The following MGAM variants were observed in gnomAD, a reference collection of about 807,000 sequenced individuals.
The protein encoded by MGAM is alpha-1,4-glucosidase.
MGAM carries 253 observed loss-of-function variants against 358.8 expected under a neutral mutation model. The observed-to-expected ratio is 0.71, with a 90% CI of 0.64 to 0.78. The LOEUF (loss-of-function observed/expected upper bound fraction) is 0.78. MGAM is among the 30% of genes least tolerant of loss of function. The pLI is 0.00. For missense variants in MGAM, 3,080 were observed against 3,432.6 expected (o/e 0.90, Z 2.57); for synonymous variants, 1,105 against 1,227.1 (o/e 0.90, Z 2.08).
chr7:141,992,591 T>C (rs1195968686), upstream of MGAM, among the ~76,000 whole-genome samples: 7 of 152,142 alleles, frequency 4.6e-5, 1 homozygote, highest in African/African-American at 1.7e-4. Flanking sequence ...TTTATTTATT[T>C]ATTTTTATTG....
At chr7:142,057,235 C>T (rs1028303655) in intron 30 of MGAM, among the ~76,000 whole-genome samples, 18 of 150,666 alleles carry the variant, frequency 1.2e-4, no homozygotes, top group African/African-American at 2.7e-4. Context: ...TAGGGGCTGA[C>T]GGTGGTGATA....
Position 142,080,645 on chromosome 7 carries a change from T to C in MGAM, c.5848-146T>C, listed in dbSNP as rs1814173171. 3 of 715,860 alleles carry C rather than the reference T, an allele frequency of 4.2e-6. 1 individual carries two copies. Among genetic ancestry groups the C allele is most frequent in the Non-Finnish European group, 6.6e-6 (3 of 456,474 alleles). The allele number at this position is 715,860 out of a possible 1,614,324, so 44.3% of individuals were successfully genotyped here. A position where few individuals can be genotyped will look rare whatever the true frequency, so the allele number is the denominator to read the frequency against. On this transcript the variant is annotated intron_variant, in intron 49 of 70. Transcript: ENST00000475668. ...TATTAAATCTGACATTGTTATTTGATGTGTTAATTAAATCTCAGACATCAT... is the reference window on the plus strand; with the variant it reads ...TATTAAATCTGACATTGTTATTTGACGTGTTAATTAAATCTCAGACATCAT...
intron 3 of MGAM, among the ~76,000 whole-genome samples, chr7:142,011,403 CACA>C (rs1325570567): frequency 6.6e-6 from 1 of 152,086 alleles, no homozygotes; most frequent in Non-Finnish European, 1.5e-5. Flanking sequence ...TCTGTGTTTA[CACA>C]ACATCAGTTA....
At chr7:142,040,966 C>G (rs1403937912) in intron 21 of MGAM, 120 bp downstream of exon 21, 26 of 1,190,330 alleles carry the variant, frequency 2.2e-5, no homozygotes, top group Non-Finnish European at 3.0e-5. Context: ...ACGACTGTTG[C>G]AGTTTTAGCA....
chr7:142,052,667 T>G, intron 25 of MGAM, 117 bp from the exon 26 acceptor site: 1 of 1,376,750 alleles, frequency 7.3e-7, no homozygotes, highest in South Asian at 1.4e-5. Flanking sequence ...TATTGCCAAG[T>G]GATAAGTGAT....
At chr7:142,053,038 C>T in intron 26 of MGAM, 54 bp downstream of exon 26, 15 of 1,563,470 alleles carry the variant, frequency 9.6e-6, no homozygotes, top group Non-Finnish European at 1.3e-5. Flanking sequence ...GTTCCATTAC[C>T]TTTTATTGGT....
At chr7:142,021,133 C>T (rs1806418498) in intron 5 of MGAM, 50 bp downstream of exon 5, 6 of 1,344,412 alleles carry the variant, frequency 4.5e-6, no homozygotes, top group Non-Finnish European at 6.2e-6. Flanking sequence ...ACTTTTATTC[C>T]CTATCGGATG....
chr7:142,032,246 G>A (rs1807573095), intron 13 of MGAM, among the ~76,000 whole-genome samples: 1 of 152,032 alleles, frequency 6.6e-6, no homozygotes. Context: ...GATGTCAGAT[G>A]AAAGAAAGTA....
chr7:142,010,715 G>T (rs1347605573), intron 3 of MGAM, among the ~76,000 whole-genome samples: 1 of 152,070 alleles, frequency 6.6e-6, no homozygotes, highest in Admixed American at 6.6e-5. Flanking sequence ...ACATATAGTG[G>T]TTTATTACTG....
chr7:142,065,954 T>G (rs535470294), intron 40 of MGAM, 123 bp downstream of exon 40: 13,379 of 762,332 alleles, frequency 0.018, 1,209 homozygotes, highest in Middle Eastern at 0.039. Flanking sequence ...TTTTTTTTTG[T>G]TTTGTTTTGT....
At position 142,065,148 on chromosome 7, in the gene MGAM, T is replaced by C. The variant is rs1812597706; in HGVS notation, c.4485-187T>C. 4.6e-5 allele frequency among the ~76,000 whole-genome samples: 7 copies of C among 152,140 alleles called. No individual in the cohort carries two copies. In the South Asian group the frequency reaches 1.5e-3, roughly 32 times the overall value. On this transcript the variant is annotated intron_variant, in intron 37 of 70. Coordinates refer to ENST00000475668, the MANE Select transcript of MGAM (RefSeq NM_001365693.1). ...CAGTGAAGTTCTTTGTAAAGCACTG[T>C]GAGAACACGTGACTCATTATCTCCA...
chr7:142,071,149 A>G, intron 44 of MGAM, 31 bp downstream of exon 44: 1 of 1,531,162 alleles, frequency 6.5e-7, no homozygotes, highest in Non-Finnish European at 9.0e-7. Flanking sequence ...TTTCCTTTAC[A>G]TTTCAGTTAG....
chr7:141,999,017 C>T (rs1804516789), intron 1 of MGAM, among the ~76,000 whole-genome samples: 1 of 151,892 alleles, frequency 6.6e-6, no homozygotes, highest in African/African-American at 2.4e-5. Context: ...CACAGTATAA[C>T]CCAGTGTATA....
intron 21 of MGAM, among the ~76,000 whole-genome samples, chr7:142,043,993 A>T (rs867626446): frequency 1.6e-5 from 2 of 125,168 alleles, no homozygotes; most frequent in Admixed American, 8.5e-5. Context: ...TATACATTAT[A>T]TACACATACG....
intron 3 of MGAM, 25 bp downstream of exon 3, chr7:142,008,730 A>G (rs188873157): frequency 6.1e-5 from 97 of 1,599,610 alleles, no homozygotes; most frequent in African/African-American, 5.4e-4. Flanking sequence ...TTTTGTTTCC[A>G]TTTTAGAATT....
At chr7:142,030,848 T>C in intron 12 of MGAM, 91 bp downstream of exon 12, 1 of 786,712 alleles carries the variant, frequency 1.3e-6, no homozygotes, top group Non-Finnish European at 2.2e-6. Context: ...GTGCATGTAA[T>C]TGTTTTATTG....
At chr7:142,096,605 A>G (rs1407607232) in intron 65 of MGAM, among the ~76,000 whole-genome samples, 190 bp downstream of exon 65, 1 of 152,242 alleles carries the variant, frequency 6.6e-6, no homozygotes, top group Non-Finnish European at 1.5e-5. Flanking sequence ...CATCTTTAAA[A>G]TGAGCCTAAC....
At chr7:142,030,157 G>C (rs1352320507) in intron 10 of MGAM, 2 of 541,726 alleles carry the variant, frequency 3.7e-6, no homozygotes, top group African/African-American at 3.8e-5. Flanking sequence ...TGGCAGGGAG[G>C]GGGCCAAGCC....
chr7:142,098,747 T>C (rs1376492389), intron 66 of MGAM, among the ~76,000 whole-genome samples: 14 of 152,190 alleles, frequency 9.2e-5, no homozygotes, highest in Non-Finnish European at 1.9e-4. Context: ...TGAGTGTGCA[T>C]GTTGAGTCTC....
Sources: allele counts gnomAD v4.1 joint callset (sites outside exome capture counted in the v4.1 genomes callset), GRCh38; gene constraint gnomAD v4.1.1; transcripts MANE v1.5; gene names NCBI Gene and HGNC (gene_info 2026-07-23, HGNC 2026-07-21).